The following ZKSCAN5 variants were observed in gnomAD, a reference collection of about 807,000 sequenced individuals.
The protein encoded by ZKSCAN5 is zinc finger with KRAB and SCAN domains 5, also known as zinc finger protein with KRAB and SCAN domains 5.
ZKSCAN5 carries 28 observed loss-of-function variants against 60.0 expected under a neutral mutation model. The ratio of observed to expected loss-of-function variants is 0.47; its 90% CI spans 0.35 to 0.64. The LOEUF (loss-of-function observed/expected upper bound fraction) is 0.64, where lower values mean the gene tolerates loss of function less well. ZKSCAN5 is among the 30% of genes least tolerant of loss of function. The probability of loss-of-function intolerance (pLI) is 0.01; values close to 1 mark genes in which losing one functional copy is unlikely to be tolerated. For synonymous variants in ZKSCAN5, 361 were observed against 371.2 expected (o/e 0.97, Z 0.31); for missense variants, 881 against 1,034.6 (o/e 0.85, Z 2.04).
rs759875739 is a variant in ZKSCAN5, at chr7:99,506,100, C to A, written c.56C>A (p.Ser19Tyr). Residue 19 changes from serine to tyrosine, a missense_variant, in exon 2 of 7, where the codon TCC becomes TAC. This residue lies in a region of ZKSCAN5 where 88 missense variants were observed against 65.2 expected (regional missense o/e 1.35). Transcript: ENST00000326775. ...VIDLDPPAET[S>Y]QEQEDLFIVK... is the part of the protein sequence containing the mutation. ...GACTTAGACCCCCCAGCTGAGACTT[C>A]CCAGGAGCAGGAAGACCTTTTCATA... 14 of 1,614,014 alleles carry A rather than the reference C, an allele frequency of 8.7e-6. No individual in the cohort carries two copies. The East Asian group carries it at 3.1e-4, about 36-fold the overall frequency.
Position 99,533,837 on chromosome 7 carries a change from CCT to C in ZKSCAN5, c.*1589_*1590del. 1 of 387,658 alleles carries C rather than the reference CCT, an allele frequency of 2.6e-6. No homozygotes were observed. Among genetic ancestry groups the C allele is most frequent in the Admixed American group, 4.5e-5 (1 of 22,362 alleles). The allele number at this position is 387,658 out of a possible 1,614,324, so 24.0% of individuals were successfully genotyped here. On this transcript the variant is annotated 3_prime_UTR_variant, in exon 7 of 7. Coordinates refer to ENST00000326775, the MANE Select transcript of ZKSCAN5 (RefSeq NM_145102.4). ...ACTGTCAATCACATGGTTCTGAATC[CCT>C]GTCTCAGGCTCTGCTTTAGAGAACC... is the stretch of plus-strand genomic sequence containing the variant.
chr7:99,523,286 C>G (rs747817245), intron 5 of ZKSCAN5, among the ~76,000 whole-genome samples: 1 of 151,170 alleles, frequency 6.6e-6, no homozygotes, highest in Non-Finnish European at 1.5e-5. Context: ...GACCTTGGCT[C>G]GAGAGACATG....
chr7:99,507,531 G>GTA (rs72423231), intron 2 of ZKSCAN5, among the ~76,000 whole-genome samples: 10,486 of 141,648 alleles, frequency 0.074, 975 homozygotes, highest in African/African-American at 0.22. Flanking sequence ...ATGTATATGT[G>GTA]TATATATATA....
chr7:99,518,527 C>T (rs1331854658), intron 3 of ZKSCAN5, among the ~76,000 whole-genome samples: 6 of 152,014 alleles, frequency 3.9e-5, no homozygotes, highest in Non-Finnish European at 8.8e-5. Flanking sequence ...ACCAAGATCC[C>T]CTAGGGGATG....
intron 2 of ZKSCAN5, among the ~76,000 whole-genome samples, chr7:99,507,865 C>T (rs1800838547): frequency 6.6e-6 from 1 of 151,660 alleles, no homozygotes; most frequent in Non-Finnish European, 1.5e-5. Context: ...GTGATTTTGC[C>T]ACTGTATTCC....
At chr7:99,527,559 T>C (rs1036974176) in intron 6 of ZKSCAN5, among the ~76,000 whole-genome samples, 13 of 152,220 alleles carry the variant, frequency 8.5e-5, no homozygotes, top group Non-Finnish European at 1.9e-4. Context: ...CCCTCCTTTT[T>C]ATTTCTGACA....
intron 2 of ZKSCAN5, among the ~76,000 whole-genome samples, chr7:99,511,459 T>C (rs955642483): frequency 9.9e-5 from 15 of 152,120 alleles, no homozygotes; most frequent in Admixed American, 6.6e-5. Context: ...TTCTTTCTTT[T>C]TTGAGACAGG....
At chr7:99,518,113 A>G (rs908460400) in intron 3 of ZKSCAN5, among the ~76,000 whole-genome samples, 2 of 152,138 alleles carry the variant, frequency 1.3e-5, no homozygotes, top group Non-Finnish European at 2.9e-5. Flanking sequence ...TGGCACTGGC[A>G]TTACCTGGGA....
At chr7:99,507,483 G>A (rs975335879) in intron 2 of ZKSCAN5, among the ~76,000 whole-genome samples, 11 of 128,128 alleles carry the variant, frequency 8.6e-5, no homozygotes, top group African/African-American at 3.5e-4. Context: ...GTATATATGT[G>A]TATATATGTA....
intron 6 of ZKSCAN5, 96 bp downstream of exon 6, chr7:99,526,514 C>T: frequency 6.7e-7 from 1 of 1,499,808 alleles, no homozygotes; most frequent in Non-Finnish European, 8.9e-7. Context: ...GGTGGTGATA[C>T]TGGGGGGGGT....
At chr7:99,530,066 T>TG (rs2151118234) in intron 6 of ZKSCAN5, among the ~76,000 whole-genome samples, 1 of 121,812 alleles carries the variant, frequency 8.2e-6, no homozygotes, top group South Asian at 2.8e-4. Flanking sequence ...GATGGAGTCT[T>TG]GCTGTTGCCC....
chr7:99,522,190 C>T (rs1278988812), intron 5 of ZKSCAN5, among the ~76,000 whole-genome samples: 8 of 152,120 alleles, frequency 5.3e-5, no homozygotes, highest in South Asian at 2.1e-4. Context: ...TTCACATCTG[C>T]GGATTTCTAT....
rs756592325 is a variant in ZKSCAN5 at position 99,532,291 on chromosome 7, A to G, written c.*42A>G. ...AGAGAAACCTTCCTGGAGGGAAACC[A>G]TACTCCTATAATGAGCAAAGTAACA... On this transcript the variant is annotated 3_prime_UTR_variant, in exon 7 of 7. Transcript: ENST00000326775. 6.5e-5 allele frequency: 99 copies of G among 1,512,158 alleles called. No individual in the cohort carries two copies. The highest frequency in any genetic ancestry group is 8.4e-5 in the Non-Finnish European group (95 of 1,133,710). 93.7% of individuals were successfully genotyped at this position (1,512,158 alleles called of 1,614,324 possible).
At chr7:99,528,119 CTTT>C (rs869150553) in intron 6 of ZKSCAN5, among the ~76,000 whole-genome samples, 181 of 121,226 alleles carry the variant, frequency 1.5e-3, no homozygotes, top group African/African-American at 5.0e-3. Flanking sequence ...AAATGTTTTT[CTTT>C]TTTTTTTTTT....
At chr7:99,515,570 A>G (rs1344984701) in intron 3 of ZKSCAN5, among the ~76,000 whole-genome samples, 1 of 151,990 alleles carries the variant, frequency 6.6e-6, no homozygotes, top group Non-Finnish European at 1.5e-5. Flanking sequence ...CTGGTGGCTC[A>G]TGCCTATAAT....
intron 3 of ZKSCAN5, among the ~76,000 whole-genome samples, chr7:99,519,381 G>A (rs565115002): frequency 1.5e-4 from 22 of 151,074 alleles, no homozygotes; most frequent in Admixed American, 4.0e-4. Flanking sequence ...AGGTTCAAGC[G>A]ATTATCATGC....
Position 99,531,156 on chromosome 7 carries a change from TTTCAGAATA to T in ZKSCAN5, c.1435_1443del (p.Tyr479_Glu481del). On this transcript the variant is annotated inframe_deletion, in exon 7 of 7. Transcript: ENST00000326775. ...ACAAAATTAAGTGTTAAGAAGAAAATTTCAGAATATTCAGAAGCAGACATGGAACTATCT... is the reference window on the plus strand; with the variant it reads ...ACAAAATTAAGTGTTAAGAAGAAAATTTCAGAAGCAGACATGGAACTATCT... The T allele has an allele frequency of 6.2e-7, 1 of 1,603,544 alleles. No individual in the cohort carries two copies. Among genetic ancestry groups the T allele is most frequent in the Non-Finnish European group, 8.5e-7 (1 of 1,177,300 alleles).
intron 2 of ZKSCAN5, among the ~76,000 whole-genome samples, chr7:99,510,815 A>G (rs1380619369): frequency 6.6e-6 from 1 of 151,632 alleles, no homozygotes; most frequent in East Asian, 1.9e-4. Context: ...ATCTCAGCTC[A>G]CTGCACTCTC....
chr7:99,527,737 T>G (rs1197179240), intron 6 of ZKSCAN5, among the ~76,000 whole-genome samples: 1 of 152,116 alleles, frequency 6.6e-6, no homozygotes, highest in Admixed American at 6.6e-5. Context: ...CAGGCTGGAG[T>G]GCAATGGCAC....
Sources: gnomAD v4.1 joint callset for allele counts (sites outside exome capture counted in the v4.1 genomes callset) on GRCh38, gnomAD v4.1.1 for gene constraint, gnomAD v4.1.1 regional missense constraint, MANE v1.5 for transcripts, NCBI Gene and HGNC (gene_info 2026-07-23, HGNC 2026-07-21) for gene names.